The following KLRK1 variants were observed in gnomAD, a reference collection of about 807,000 sequenced individuals.
KLRK1 encodes the protein killer cell lectin like receptor K1.
Under a neutral mutation model 31.3 loss-of-function variants are expected in KLRK1, and 40 were observed. That is an observed-to-expected ratio of 1.28 (90% CI 0.99 to 1.67). The LOEUF is 1.67. Among genes scored for constraint, KLRK1 ranks in the 40% most tolerant of loss-of-function variants. The pLI, the probability that KLRK1 is intolerant of heterozygous loss-of-function variation, is 0.00. For synonymous variants in KLRK1, 77 were observed against 77.3 expected (o/e 1.00, Z 0.02); for missense variants, 251 against 260.0 (o/e 0.97, Z 0.24).
chr12:10,379,227 AAAAAAAAG>A (rs1469126461), intron 5 of KLRK1: 6 of 160,384 alleles, frequency 3.7e-5, no homozygotes, highest in Non-Finnish European at 5.3e-5. Flanking sequence ...AAAAAAAAAA[AAAAAAAAG>A]AGAGAGAGAG....
intron 2 of KLRK1, among the ~76,000 whole-genome samples, 156 bp downstream of exon 2, chr12:10,388,615 A>AAAATACAAT (rs1863210542): frequency 6.6e-6 from 1 of 152,248 alleles, no homozygotes; most frequent in African/African-American, 2.4e-5. Context: ...GACTTGATTT[A>AAAATACAAT]AAATACAATA....
intron 2 of KLRK1, among the ~76,000 whole-genome samples, chr12:10,388,563 T>C (rs191984181): frequency 1.3e-5 from 2 of 152,242 alleles, no homozygotes; most frequent in East Asian, 3.9e-4. Flanking sequence ...TACCATAATA[T>C]AGTTAATAAA....
At chr12:10,374,506 C>T (rs1227825516) in intron 7 of KLRK1, among the ~76,000 whole-genome samples, 1 of 151,318 alleles carries the variant, frequency 6.6e-6, no homozygotes, top group Non-Finnish European at 1.5e-5. Context: ...AATTCTGCTG[C>T]CCCTCAGCCT....
Position 10,372,834 on chromosome 12 carries a change from A to G in KLRK1, c.*280T>C, listed in dbSNP as rs887251206. 1 of 350,718 alleles carries G rather than the reference A, an allele frequency of 2.9e-6. No individual in the cohort carries two copies. The highest frequency in any genetic ancestry group is 5.1e-6 in the Non-Finnish European group (1 of 194,452). 21.7% of individuals were successfully genotyped at this position (350,718 alleles called of 1,614,324 possible). A position where few individuals can be genotyped will look rare whatever the true frequency, so the allele number is the denominator to read the frequency against. ...TGGTCCTACCTTTAGAAATTAAAAC[A>G]GCACCCCTCCCCCAGCCCATCCACT... On this transcript the variant is annotated 3_prime_UTR_variant, in exon 8 of 8. Transcript: ENST00000240618.
In KLRK1 at chr12:10,382,287, G is replaced by A. The variant is rs1412474188; in HGVS notation, c.149-2495C>T. 3 of 152,246 alleles carry A rather than the reference G, an allele frequency of 2.0e-5. No individual in the cohort carries two copies. In the East Asian group the frequency reaches 5.8e-4, roughly 29 times the overall value. The allele number at this position is 152,246 out of a possible 1,614,324, so 9.4% of individuals were successfully genotyped here. On this transcript the variant is annotated intron_variant, in intron 3 of 7. Transcript: ENST00000240618. ...TTCAACCCAAATGAGATCACCACAA[G>A]ACATATAAAATTTAAATGTTCAAAG... is the stretch of plus-strand genomic sequence containing the variant.
At chr12:10,379,022 C>CGG in intron 5 of KLRK1, 6 of 200,336 alleles carry the variant, frequency 3.0e-5, no homozygotes, top group Non-Finnish European at 6.0e-5. Flanking sequence ...GGTGTGGTGG[C>CGG]TCACGCCTGC....
chr12:10,385,495 G>A (rs1863152045), intron 3 of KLRK1, among the ~76,000 whole-genome samples: 1 of 151,944 alleles, frequency 6.6e-6, no homozygotes, highest in South Asian at 2.1e-4. Flanking sequence ...GTTACGTAGA[G>A]TAAATCAGGC....
intron 3 of KLRK1, among the ~76,000 whole-genome samples, chr12:10,381,497 G>A (rs748216926): frequency 6.6e-6 from 1 of 151,932 alleles, no homozygotes; most frequent in Non-Finnish European, 1.5e-5. Context: ...AAATAAGAAA[G>A]AGAAAGGAAT....
At position 10,379,684 on chromosome 12, in the gene KLRK1, C is replaced by A; in HGVS notation, c.241+16G>T. ...AAATTGACAATGTTGCAATCTACTT[C>A]TCTGTTGTCACTTACAGTTTAGGAA... On this transcript the variant is annotated intron_variant, in intron 4 of 7. Transcript: ENST00000240618. 1.3e-6 allele frequency: 2 copies of A among 1,585,624 alleles called. No individual in the cohort carries two copies. The highest frequency in any genetic ancestry group is 2.4e-5 in the South Asian group (2 of 83,756).
chr12:10,373,615 T>C (rs1419907735), intron 7 of KLRK1, among the ~76,000 whole-genome samples: 3 of 152,244 alleles, frequency 2.0e-5, no homozygotes, highest in East Asian at 1.9e-4. Flanking sequence ...TCTTCAGATA[T>C]ATGCAATTTT....
intron 3 of KLRK1, among the ~76,000 whole-genome samples, chr12:10,381,580 T>C (rs1021368725): frequency 9.9e-5 from 15 of 151,750 alleles, no homozygotes; most frequent in African/African-American, 2.4e-5. Context: ...AATCAATGGG[T>C]AGGCAAAACA....
chr12:10,386,797 C>A, intron 3 of KLRK1, 106 bp downstream of exon 3: 1 of 627,440 alleles, frequency 1.6e-6, no homozygotes, highest in Non-Finnish European at 2.5e-6. Context: ...TTCCTGCTTT[C>A]CTCATGAAGA....
In KLRK1 at chr12:10,386,893, T is replaced by C. The variant is rs1450638132; in HGVS notation, c.148+10A>G. On this transcript the variant is annotated intron_variant, in intron 3 of 7. Coordinates refer to ENST00000240618, the MANE Select transcript of KLRK1 (RefSeq NM_007360.4). ...ATACTGAGAGTAGACAAATGGAACA[T>C]AGGACTTACCATTTTCTCTACATTT... The C allele has an allele frequency of 6.2e-7, 1 of 1,608,496 alleles. No individual in the cohort carries two copies. The highest frequency in any genetic ancestry group is 2.2e-5 in the East Asian group (1 of 44,586).
At chr12:10,376,488 G>GAAAC (rs1409762798) in intron 7 of KLRK1, among the ~76,000 whole-genome samples, 1 of 151,834 alleles carries the variant, frequency 6.6e-6, no homozygotes, top group African/African-American at 2.4e-5. Context: ...TAACTGAATG[G>GAAAC]AAACAAAAAG....
intron 3 of KLRK1, among the ~76,000 whole-genome samples, chr12:10,381,255 CA>C (rs113653501): frequency 0.39 from 56,535 of 144,226 alleles, 11,043 homozygotes; most frequent in African/African-American, 0.52. Context: ...TTCAAAATGC[CA>C]AAAAAAAAAA....
chr12:10,378,920 A>G, intron 5 of KLRK1: 6 of 427,584 alleles, frequency 1.4e-5, no homozygotes, highest in Non-Finnish European at 1.9e-5. Context: ...TTGGGAGGCC[A>G]AGGCAGGTGA....
rs921573800 is a variant in KLRK1, at chr12:10,372,808, T to C, written c.*306A>G. ...TCTTCCTTCACTGATCCCCTGGGTG[T>C]TGGTCCTACCTTTAGAAATTAAAAC... On this transcript the variant is annotated 3_prime_UTR_variant, in exon 8 of 8. Transcript: ENST00000240618. 1.9e-5 allele frequency: 6 copies of C among 309,422 alleles called. No homozygotes were observed. Among genetic ancestry groups the C allele is most frequent in the African/African-American group, 4.6e-5 (2 of 43,672 alleles). The allele number at this position is 309,422 out of a possible 1,614,324, so 19.2% of individuals were successfully genotyped here. A position where few individuals can be genotyped will look rare whatever the true frequency, so the allele number is the denominator to read the frequency against.
intron 3 of KLRK1, among the ~76,000 whole-genome samples, chr12:10,384,107 G>T (rs149196746): frequency 6.6e-6 from 1 of 151,942 alleles, no homozygotes; most frequent in Non-Finnish European, 1.5e-5. Context: ...TGAAACCAAA[G>T]AGGATGCAAA....
At chr12:10,378,383 C>T in intron 6 of KLRK1, 148 bp from the exon 7 acceptor site, 1 of 1,329,488 alleles carries the variant, frequency 7.5e-7, no homozygotes, top group South Asian at 1.4e-5. Flanking sequence ...AGCACACATA[C>T]ATGATACCTA....
Sources: gnomAD v4.1 joint callset for allele counts (sites outside exome capture counted in the v4.1 genomes callset) on GRCh38, gnomAD v4.1.1 for gene constraint, MANE v1.5 for transcripts, NCBI Gene and HGNC (gene_info 2026-07-23, HGNC 2026-07-21) for gene names.